Variants in SNX29 observed in about 807,000 individuals in gnomAD.
SNX29 encodes sorting nexin-29.
SNX29 carries 78 observed loss-of-function variants against 102.1 expected under a neutral mutation model. The ratio of observed to expected loss-of-function variants is 0.76; its 90% CI spans 0.64 to 0.92. SNX29 has a LOEUF of 0.92. Among genes scored for constraint, SNX29 ranks in the 40% least tolerant of loss-of-function variants. The pLI is 0.00. For missense variants in SNX29, 1,280 were observed against 1,061.7 expected (o/e 1.21, Z -2.86); for synonymous variants, 580 against 414.5 (o/e 1.40, Z -4.85).
chr16:12,216,672 G>C (rs977472165), intron 14 of SNX29, among the ~76,000 whole-genome samples: 1 of 152,176 alleles, frequency 6.6e-6, no homozygotes, highest in Non-Finnish European at 1.5e-5. Context: ...CCCTTTGCTA[G>C]CAGTGTGACC....
intron 11 of SNX29, among the ~76,000 whole-genome samples, chr16:12,080,184 C>T (rs1347855176): frequency 1.3e-5 from 2 of 152,126 alleles, no homozygotes; most frequent in Non-Finnish European, 2.9e-5. Context: ...ATGTCATGGT[C>T]CCCCTTGGCT....
intron 15 of SNX29, among the ~76,000 whole-genome samples, chr16:12,282,511 T>C (rs1269656950): frequency 2.0e-5 from 3 of 152,156 alleles, no homozygotes; most frequent in African/African-American, 7.2e-5. Flanking sequence ...ATCTCCAGCA[T>C]ATAGTAGGAG....
rs1170857719 is a variant in SNX29 at position 12,068,088 on chromosome 16, A to G, written c.1244-969A>G. 2.0e-5 allele frequency among the ~76,000 whole-genome samples: 3 copies of G among 152,144 alleles called. No individual in the cohort carries two copies. The East Asian group carries it at 5.8e-4, about 29-fold the overall frequency. Reference sequence around the variant, plus strand: ...GATTCAAGGCACTACAAGCAGGAGCAGTTTTGTCTTAACAGCAAGCTGATT... The same window carrying G: ...GATTCAAGGCACTACAAGCAGGAGCGGTTTTGTCTTAACAGCAAGCTGATT... On this transcript the variant is annotated intron_variant, in intron 9 of 20. Transcript: ENST00000566228.
intron 18 of SNX29, among the ~76,000 whole-genome samples, chr16:12,414,232 G>A (rs2084531074): frequency 6.6e-6 from 1 of 152,138 alleles, no homozygotes; most frequent in Admixed American, 6.6e-5. Context: ...ATTTGAGCCA[G>A]GTGTGGTGGC....
chr16:12,013,503 ATATATATATATATAT>A lies in SNX29; in HGVS notation c.122+10461_122+10475del, dbSNP rs2056741260. ...TCTACTGGGGGAAAAAAAAAAAAAT[ATATATATATATATAT>A]ATATATATATATATATATATATATC... On this transcript the variant is annotated intron_variant, in intron 3 of 20. Coordinates refer to ENST00000566228, the MANE Select transcript of SNX29 (RefSeq NM_032167.5). 6.4e-4 allele frequency among the ~76,000 whole-genome samples: 36 copies of A among 56,624 alleles called. 5 individuals are homozygous for A. Among genetic ancestry groups the A allele is most frequent in the Admixed American group, 1.4e-3 (8 of 5,822 alleles). The allele number at this position is 56,624 out of a possible 152,430, so 37.1% of individuals were successfully genotyped here. A position where few individuals can be genotyped will look rare whatever the true frequency, so the allele number is the denominator to read the frequency against.
intron 15 of SNX29, among the ~76,000 whole-genome samples, chr16:12,345,255 TAGAACA>T (rs1418504554): frequency 6.6e-6 from 1 of 152,196 alleles, no homozygotes; most frequent in Non-Finnish European, 1.5e-5. Context: ...ATGTAACAGA[TAGAACA>T]TGGGTCTGGG....
intron 20 of SNX29, among the ~76,000 whole-genome samples, chr16:12,541,016 C>T (rs1054048734): frequency 6.6e-6 from 1 of 152,254 alleles, no homozygotes; most frequent in African/African-American, 2.4e-5. Context: ...TTTCCTGGGA[C>T]AGCAACAACT....
intron 4 of SNX29, among the ~76,000 whole-genome samples, chr16:12,037,363 G>A (rs951340693): frequency 2.0e-5 from 3 of 152,118 alleles, no homozygotes; most frequent in African/African-American, 7.2e-5. Flanking sequence ...TGGTGGCTCT[G>A]GTAGAACTTG....
At chr16:12,041,745 G>T (rs577861490) in intron 4 of SNX29, among the ~76,000 whole-genome samples, 1 of 152,126 alleles carries the variant, frequency 6.6e-6, no homozygotes, top group Admixed American at 6.6e-5. Context: ...CGTCAGCCTC[G>T]CAGGGATTAT....
intron 20 of SNX29, among the ~76,000 whole-genome samples, chr16:12,541,985 A>T (rs1015236544): frequency 6.6e-6 from 1 of 152,154 alleles, no homozygotes; most frequent in Non-Finnish European, 1.5e-5. Context: ...GGCTTGTCTT[A>T]TGAGTCCAGA....
At chr16:12,155,490 T>A (rs1463404007) in intron 13 of SNX29, among the ~76,000 whole-genome samples, 1 of 152,154 alleles carries the variant, frequency 6.6e-6, no homozygotes. Flanking sequence ...GACCCTGGAC[T>A]CTTTCCATTG....
chr16:12,190,835 C>T (rs780294165), intron 13 of SNX29, among the ~76,000 whole-genome samples: 14 of 151,818 alleles, frequency 9.2e-5, no homozygotes, highest in East Asian at 1.9e-4. Context: ...GGGTAGAACC[C>T]GGGAGGAGCC....
chr16:12,538,912 T>G (rs1167762365), intron 20 of SNX29, among the ~76,000 whole-genome samples: 1 of 151,724 alleles, frequency 6.6e-6, no homozygotes, highest in Non-Finnish European at 1.5e-5. Flanking sequence ...CTGTTCTAAG[T>G]GGGAGAAAGG....
At chr16:12,340,783 T>C (rs1005829741) in intron 15 of SNX29, among the ~76,000 whole-genome samples, 1 of 152,186 alleles carries the variant, frequency 6.6e-6, no homozygotes, top group African/African-American at 2.4e-5. Flanking sequence ...ATCTTGGGCA[T>C]TGAAGCATCT....
intron 14 of SNX29, among the ~76,000 whole-genome samples, chr16:12,265,449 G>C (rs1378307787): frequency 6.6e-6 from 1 of 152,140 alleles, no homozygotes; most frequent in Non-Finnish European, 1.5e-5. Context: ...GCGAGACGCA[G>C]CTTCGAAACA....
intron 18 of SNX29, among the ~76,000 whole-genome samples, chr16:12,460,239 G>C (rs982871208): frequency 3.9e-5 from 6 of 152,202 alleles, no homozygotes; most frequent in African/African-American, 1.2e-4. Flanking sequence ...CAGGCCTAGT[G>C]CGGCTGAAAC....
At chr16:12,446,521 C>T (rs2086061516) in intron 18 of SNX29, among the ~76,000 whole-genome samples, 1 of 152,166 alleles carries the variant, frequency 6.6e-6, no homozygotes, top group Non-Finnish European at 1.5e-5. Context: ...CCAAGAGGGA[C>T]CCACTGTGTG....
chr16:12,105,229 CT>C, intron 11 of SNX29, among the ~76,000 whole-genome samples: 2 of 146,674 alleles, frequency 1.4e-5, no homozygotes, highest in South Asian at 2.3e-4. Flanking sequence ...CCCTCCCTCC[CT>C]TCCTTCCTTC....
intron 11 of SNX29, among the ~76,000 whole-genome samples, chr16:12,110,312 C>A (rs1222285682): frequency 6.6e-6 from 1 of 152,126 alleles, no homozygotes; most frequent in Non-Finnish European, 1.5e-5. Context: ...ATGTGTCTAA[C>A]GTCTCCTGCA....
Sources: gnomAD v4.1 joint callset for allele counts (sites outside exome capture counted in the v4.1 genomes callset) on GRCh38, gnomAD v4.1.1 for gene constraint, MANE v1.5 for transcripts, NCBI Gene and HGNC (gene_info 2026-07-23, HGNC 2026-07-21) for gene names.